Variants in PTPRT observed in about 807,000 individuals in gnomAD.
PTPRT encodes receptor-type tyrosine-protein phosphatase T.
In PTPRT, 56 loss-of-function variants were observed where a neutral mutation model predicts 176.8. The ratio of observed to expected loss-of-function variants is 0.32; its 90% CI spans 0.26 to 0.40. The LOEUF (loss-of-function observed/expected upper bound fraction) is 0.40, where lower values mean the gene tolerates loss of function less well. Among genes scored for constraint, PTPRT ranks in the 10% least tolerant of loss-of-function variants. PTPRT has a pLI of 1.00. For synonymous variants in PTPRT, 783 were observed against 739.0 expected, an observed-to-expected ratio of 1.06 and a Z score of -0.96; for missense variants, 1,540 against 1,908.2, an observed-to-expected ratio of 0.81 and a Z score of 3.60.
intron 1 of PTPRT, among the ~76,000 whole-genome samples, chr20:42,993,206 C>A (rs907217994): frequency 5.3e-5 from 8 of 151,838 alleles, no homozygotes; most frequent in African/African-American, 1.9e-4. Flanking sequence ...ATCACACGGT[C>A]AAGAGACTGA....
intron 1 of PTPRT, among the ~76,000 whole-genome samples, chr20:43,155,666 A>C (rs2014496623): frequency 6.6e-6 from 1 of 152,202 alleles, no homozygotes; most frequent in South Asian, 2.1e-4. Context: ...AAATGCAAAC[A>C]GGGTGGATGT....
chr20:42,892,359 G>A (rs2079208104), intron 1 of PTPRT, among the ~76,000 whole-genome samples: 1 of 152,122 alleles, frequency 6.6e-6, no homozygotes, highest in African/African-American at 2.4e-5. Context: ...TGGTACCAAA[G>A]CCTGGGTACT....
intron 1 of PTPRT, among the ~76,000 whole-genome samples, chr20:42,975,127 A>T (rs187607838): frequency 0.035 from 5,325 of 152,268 alleles, 245 homozygotes; most frequent in African/African-American, 0.11. Context: ...ACAAGAGATT[A>T]AAAAAAATCA....
chr20:42,684,190 TA>T (rs899046084), intron 6 of PTPRT, among the ~76,000 whole-genome samples: 1 of 151,888 alleles, frequency 6.6e-6, no homozygotes, highest in Non-Finnish European at 1.5e-5. Context: ...CTGTCTCTAC[TA>T]AAAATTAGCT....
At position 42,472,531 on chromosome 20, in the gene PTPRT, G is replaced by T. The variant is rs748326349; in HGVS notation, c.1185C>A (p.Ile395=). The change falls in exon 8 of 31, where the codon ATC becomes ATA. Residue 395 remains isoleucine, a synonymous_variant. Transcript: ENST00000373187. ...DPVHGPQNVE[I]VDIRARQLTL... ...TCAGCTGCCGGGCTCTGATGTCTAC[G>T]ATTTCCACGTTCTGTGGGCCATGTA... 1 of 1,614,108 alleles carries T rather than the reference G, an allele frequency of 6.2e-7. No homozygotes were observed. The highest frequency in any genetic ancestry group is 8.5e-7 in the Non-Finnish European group (1 of 1,180,038).
chr20:42,066,058 A>C, the PTPRT span, among the ~76,000 whole-genome samples: 2 of 59,342 alleles, frequency 3.4e-5, no homozygotes, highest in Non-Finnish European at 6.3e-5. Flanking sequence ...TTTTTTTTTG[A>C]GACAGAGTTT....
At chr20:43,127,145 C>T (rs192868948) in intron 1 of PTPRT, among the ~76,000 whole-genome samples, 20 of 152,180 alleles carry the variant, frequency 1.3e-4, no homozygotes, top group Non-Finnish European at 2.1e-4. Context: ...ACATGGCGGC[C>T]GGGCGCGGTG....
intron 2 of PTPRT, among the ~76,000 whole-genome samples, chr20:42,868,137 A>C (rs956362232): frequency 6.6e-6 from 1 of 152,224 alleles, no homozygotes; most frequent in African/African-American, 2.4e-5. Context: ...TTAGAGATTC[A>C]TGCTGCAAAG....
chr20:42,501,772 AC>A (rs886800771), intron 7 of PTPRT, among the ~76,000 whole-genome samples: 34 of 152,098 alleles, frequency 2.2e-4, no homozygotes, highest in African/African-American at 7.0e-4. Flanking sequence ...ACCAATTTAT[AC>A]CCCCACTTCT....
chr20:42,441,009 C>T (rs1216782790), intron 9 of PTPRT, among the ~76,000 whole-genome samples: 1 of 152,186 alleles, frequency 6.6e-6, no homozygotes, highest in East Asian at 1.9e-4. Context: ...ATGTAAATGT[C>T]AATCTCATCC....
chr20:42,063,015 T>C, the PTPRT span, among the ~76,000 whole-genome samples: 43 of 152,210 alleles, frequency 2.8e-4, no homozygotes, highest in Non-Finnish European at 6.0e-4. Context: ...TATAAAGGCA[T>C]AAGCCATGAT....
At chr20:42,661,096 G>A (rs911058587) in intron 7 of PTPRT, among the ~76,000 whole-genome samples, 1 of 152,074 alleles carries the variant, frequency 6.6e-6, no homozygotes, top group African/African-American at 2.4e-5. Flanking sequence ...TGATCCACCT[G>A]CCCCAGACTC....
chr20:42,907,409 G>A (rs1032212014), intron 1 of PTPRT, among the ~76,000 whole-genome samples: 3 of 151,984 alleles, frequency 2.0e-5, no homozygotes, highest in Non-Finnish European at 4.4e-5. Flanking sequence ...CAACCTCAAC[G>A]TTGACTGGAA....
intron 1 of PTPRT, among the ~76,000 whole-genome samples, chr20:43,185,431 T>C (rs1412597683): frequency 6.6e-6 from 1 of 152,176 alleles, no homozygotes. Flanking sequence ...GGAAACAGAA[T>C]GCATCCAAAT....
chr20:42,300,120 T>C (rs376624924), intron 12 of PTPRT, among the ~76,000 whole-genome samples: 3 of 151,910 alleles, frequency 2.0e-5, no homozygotes, highest in African/African-American at 7.2e-5. Flanking sequence ...TAGCTGGGCA[T>C]GATGGCCGGT....
chr20:42,952,579 A>G (rs918052258), intron 1 of PTPRT, among the ~76,000 whole-genome samples: 1 of 152,212 alleles, frequency 6.6e-6, no homozygotes, highest in Admixed American at 6.5e-5. Flanking sequence ...ACCTTCTTCT[A>G]GGCTTATGAT....
At chr20:42,822,753 C>T (rs1367829070) in intron 2 of PTPRT, among the ~76,000 whole-genome samples, 5 of 152,162 alleles carry the variant, frequency 3.3e-5, no homozygotes, top group African/African-American at 1.2e-4. Flanking sequence ...ACAGACACTT[C>T]TCAAACGAAG....
the PTPRT span, among the ~76,000 whole-genome samples, chr20:42,061,911 T>C: frequency 6.6e-6 from 1 of 152,244 alleles, no homozygotes; most frequent in East Asian, 1.9e-4. Context: ...TAAAAAATCC[T>C]GAGAGTGACA....
intron 6 of PTPRT, among the ~76,000 whole-genome samples, chr20:42,735,645 G>A (rs1408846681): frequency 1.3e-5 from 2 of 152,144 alleles, no homozygotes; most frequent in Non-Finnish European, 2.9e-5. Context: ...CTGCACGCAC[G>A]ACACTTGAAA....
Sources: allele counts gnomAD v4.1 joint callset (sites outside exome capture counted in the v4.1 genomes callset), GRCh38; gene constraint gnomAD v4.1.1; transcripts MANE v1.5; gene names NCBI Gene and HGNC (gene_info 2026-07-23, HGNC 2026-07-21).